SYNPR: variants seen among roughly 807,000 people sequenced by gnomAD.
The protein encoded by SYNPR is synaptoporin.
A neutral mutation model predicts 32.9 loss-of-function variants in SYNPR; 23 were observed. That is an observed-to-expected ratio of 0.70 (90% CI 0.50 to 0.99). The LOEUF (loss-of-function observed/expected upper bound fraction) is 0.99, where lower values mean the gene tolerates loss of function less well. Ranked by LOEUF, SYNPR falls within the 50% of genes least tolerant of loss-of-function variation. The pLI is 0.00. For missense variants in SYNPR, 318 were observed against 349.3 expected (o/e 0.91, Z 0.71); for synonymous variants, 146 against 135.9 (o/e 1.07, Z -0.52).
At chr3:63,230,427 C>A (rs2086157827) in intron 1 of SYNPR, among the ~76,000 whole-genome samples, 1 of 152,178 alleles carries the variant, frequency 6.6e-6, no homozygotes, top group Non-Finnish European at 1.5e-5. Flanking sequence ...CTTAGTTTCA[C>A]TAGCTAAGGT....
intron 3 of SYNPR, among the ~76,000 whole-genome samples, chr3:63,550,703 T>G (rs567108244): frequency 5.3e-5 from 8 of 152,358 alleles, no homozygotes; most frequent in Non-Finnish European, 1.2e-4. Flanking sequence ...ATGCTGATCC[T>G]GGGGTGCAGC....
intron 2 of SYNPR, among the ~76,000 whole-genome samples, chr3:63,309,237 C>A (rs1465390623): frequency 1.3e-5 from 2 of 152,094 alleles, no homozygotes; most frequent in East Asian, 3.9e-4. Flanking sequence ...TGTCTCTACT[C>A]ACATTCTTGA....
intron 1 of SYNPR, among the ~76,000 whole-genome samples, chr3:63,229,324 T>C (rs982895335): frequency 6.6e-6 from 1 of 152,066 alleles, no homozygotes; most frequent in South Asian, 2.1e-4. Flanking sequence ...ATTATTAATA[T>C]AATTTTCATC....
Position 63,278,316 on chromosome 3 carries a change from C to A in SYNPR, c.-218C>A. On this transcript the variant is annotated 5_prime_UTR_variant, in exon 1 of 6. It adds an upstream start codon to the 5' untranslated region. Transcript: ENST00000478300. Reference sequence around the variant, plus strand: ...CCAGCTCTTCCCTGCCCACCCCTCGCTGACTCGCTTCGCTTCCCCGACGCG... The same window carrying A: ...CCAGCTCTTCCCTGCCCACCCCTCGATGACTCGCTTCGCTTCCCCGACGCG... The A allele has an allele frequency of 1.7e-6, 1 of 597,530 alleles. No individual in the cohort carries two copies. The highest frequency in any genetic ancestry group is 2.5e-5 in the South Asian group (1 of 40,488). 37.0% of individuals were successfully genotyped at this position (597,530 alleles called of 1,614,324 possible).
intron 4 of SYNPR, among the ~76,000 whole-genome samples, chr3:63,606,843 C>A (rs576280503): frequency 6.6e-6 from 1 of 152,290 alleles, no homozygotes; most frequent in East Asian, 1.9e-4. Context: ...ATTTGTTTAA[C>A]CTTTGGTGTC....
At chr3:63,578,922 T>G (rs1161356903) in intron 4 of SYNPR, among the ~76,000 whole-genome samples, 1 of 152,108 alleles carries the variant, frequency 6.6e-6, no homozygotes, top group African/African-American at 2.4e-5. Flanking sequence ...AACTACCATC[T>G]TCCCAGCCAG....
intron 3 of SYNPR, among the ~76,000 whole-genome samples, chr3:63,509,456 G>T (rs1487365918): frequency 6.6e-6 from 1 of 151,762 alleles, no homozygotes; most frequent in Non-Finnish European, 1.5e-5. Flanking sequence ...CTTAAAATAA[G>T]TGTGGCTGCC....
Position 63,371,047 on chromosome 3 carries a change from T to G in SYNPR, c.84+92305T>G, listed in dbSNP as rs866066500. Among the ~76,000 whole-genome samples, 28 of 152,062 alleles carry G rather than the reference T, an allele frequency of 1.8e-4. 1 individual carries two copies. The highest frequency in any genetic ancestry group is 8.8e-5 in the Non-Finnish European group (6 of 67,996). ...GAACATTCAGGTGGACACATTGCGA[T>G]TCATCAAGGAAACAACCCACGAATG... On this transcript the variant is annotated intron_variant, in intron 2 of 5. Transcript: ENST00000478300.
intron 2 of SYNPR, among the ~76,000 whole-genome samples, chr3:63,466,921 ACACT>A (rs1458653175): frequency 3.3e-5 from 5 of 152,210 alleles, no homozygotes; most frequent in Non-Finnish European, 2.9e-5. Flanking sequence ...AGGGATACAA[ACACT>A]CAGTCCAAAA....
intron 4 of SYNPR, among the ~76,000 whole-genome samples, chr3:63,562,214 T>C (rs1362815385): frequency 1.3e-5 from 2 of 152,164 alleles, no homozygotes; most frequent in African/African-American, 4.8e-5. Context: ...TCTGAGCCAT[T>C]TTCAGATCTC....
At chr3:63,537,245 A>T (rs1702225666) in intron 3 of SYNPR, among the ~76,000 whole-genome samples, 1 of 152,030 alleles carries the variant, frequency 6.6e-6, no homozygotes, top group South Asian at 2.1e-4. Flanking sequence ...ACTCTTTTAT[A>T]ACTATGTACA....
intron 2 of SYNPR, among the ~76,000 whole-genome samples, chr3:63,286,843 A>G (rs1313586807): frequency 6.6e-5 from 10 of 152,190 alleles, no homozygotes; most frequent in Non-Finnish European, 1.2e-4. Flanking sequence ...AGCATGAAAA[A>G]GTGTTTAGCA....
intron 5 of SYNPR, among the ~76,000 whole-genome samples, chr3:63,613,639 A>AAAAAAAT (rs71099711): frequency 7.6e-6 from 1 of 130,784 alleles, no homozygotes; most frequent in African/African-American, 2.8e-5. Flanking sequence ...AAAAAAAAAA[A>AAAAAAAT]GTCTGCAAAG....
chr3:63,521,482 C>T (rs1002087432), intron 3 of SYNPR, among the ~76,000 whole-genome samples: 1 of 152,132 alleles, frequency 6.6e-6, no homozygotes, highest in African/African-American at 2.4e-5. Context: ...AGTCAGGGAG[C>T]GTACTTGGCA....
At chr3:63,473,400 A>G (rs993068421) in intron 2 of SYNPR, among the ~76,000 whole-genome samples, 10 of 152,130 alleles carry the variant, frequency 6.6e-5, no homozygotes, top group African/African-American at 2.4e-4. Context: ...TGATTGATTG[A>G]TTGATTGATT....
At chr3:63,409,649 T>C (rs2088435602) in intron 2 of SYNPR, among the ~76,000 whole-genome samples, 1 of 152,198 alleles carries the variant, frequency 6.6e-6, no homozygotes, top group African/African-American at 2.4e-5. Flanking sequence ...TTCAGATATG[T>C]ATTGAATGTT....
intron 2 of SYNPR, among the ~76,000 whole-genome samples, chr3:63,479,053 G>A (rs1381091993): frequency 6.6e-6 from 1 of 152,146 alleles, no homozygotes; most frequent in Non-Finnish European, 1.5e-5. Context: ...AGCATTCTGT[G>A]TCTCAACCCT....
chr3:63,392,290 G>A (rs944799927), intron 2 of SYNPR, among the ~76,000 whole-genome samples: 1 of 152,032 alleles, frequency 6.6e-6, no homozygotes, highest in South Asian at 2.1e-4. Flanking sequence ...GGTTTCAGAG[G>A]CAAAAGTCAA....
chr3:63,543,481 G>T (rs934184337), intron 3 of SYNPR, among the ~76,000 whole-genome samples: 1 of 152,124 alleles, frequency 6.6e-6, no homozygotes, highest in Non-Finnish European at 1.5e-5. Flanking sequence ...ATCAGTAGAA[G>T]ATAGGTCTTA....
Sources: gnomAD v4.1 joint callset for allele counts (sites outside exome capture counted in the v4.1 genomes callset) on GRCh38, gnomAD v4.1.1 for gene constraint, MANE v1.5 for transcripts, NCBI Gene and HGNC (gene_info 2026-07-23, HGNC 2026-07-21) for gene names.